UBAP2L: variants seen among roughly 807,000 people sequenced by gnomAD.
UBAP2L encodes the protein ubiquitin-associated protein 2-like.
Under a neutral mutation model 130.6 loss-of-function variants are expected in UBAP2L, and 12 were observed. The observed-to-expected ratio is 0.09, with a 90% confidence interval of 0.06 to 0.15. The LOEUF (loss-of-function observed/expected upper bound fraction) is 0.15, where lower values mean the gene tolerates loss of function less well. Ranked by LOEUF, UBAP2L falls within the 10% of genes least tolerant of loss-of-function variation. The pLI, the probability that UBAP2L is intolerant of heterozygous loss-of-function variation, is 1.00. For synonymous variants in UBAP2L, 503 were observed against 524.7 expected (o/e 0.96, Z 0.57); for missense variants, 965 against 1,332.5 (o/e 0.72, Z 4.29).
upstream of UBAP2L, chr1:154,220,306 T>A: frequency 6.2e-7 from 1 of 1,612,398 alleles, no homozygotes; most frequent in South Asian, 1.1e-5. Flanking sequence ...CTGGGTAAGA[T>A]GCGACAGCAG....
intron 12 of UBAP2L, among the ~76,000 whole-genome samples, chr1:154,249,788 A>G (rs959269735): frequency 6.6e-6 from 1 of 151,148 alleles, no homozygotes; most frequent in Non-Finnish European, 1.5e-5. Context: ...ATTGTTTTCA[A>G]TTAGCTGAGT....
intron 4 of UBAP2L, among the ~76,000 whole-genome samples, chr1:154,232,147 T>G (rs1010149822): frequency 1.3e-5 from 2 of 151,994 alleles, no homozygotes; most frequent in Non-Finnish European, 2.9e-5. Flanking sequence ...GCCAACATGG[T>G]GAAACCCCAT....
intron 20 of UBAP2L, chr1:154,258,501 A>G (rs947426923): frequency 3.3e-5 from 5 of 152,930 alleles, no homozygotes; most frequent in African/African-American, 1.2e-4. Context: ...TCCTGCCCTC[A>G]TAGACAAAGT....
chr1:154,230,393 T>C (rs1042046085), intron 4 of UBAP2L, among the ~76,000 whole-genome samples: 18 of 152,346 alleles, frequency 1.2e-4, no homozygotes, highest in African/African-American at 4.3e-4. Context: ...TGGGAAATAA[T>C]AATGGAAAAC....
chr1:154,241,463 G>A (rs774294560), intron 8 of UBAP2L, 50 bp from the exon 9 acceptor site: 1 of 1,572,230 alleles, frequency 6.4e-7, no homozygotes, highest in African/African-American at 1.4e-5. Flanking sequence ...TACATGCTTT[G>A]TACTGGCATT....
chr1:154,241,406 A>T, intron 8 of UBAP2L, 107 bp from the exon 9 acceptor site: 1 of 1,031,846 alleles, frequency 9.7e-7, no homozygotes, highest in Non-Finnish European at 1.5e-6. Context: ...ACTAAATTTT[A>T]GTCATACTTT....
At chr1:154,248,619 A>G (rs1438486112) in intron 11 of UBAP2L, among the ~76,000 whole-genome samples, 4 of 152,176 alleles carry the variant, frequency 2.6e-5, no homozygotes, top group Non-Finnish European at 5.9e-5. Flanking sequence ...GATCGAGACC[A>G]TCCTGGCTAA....
chr1:154,252,220 C>G (rs992827345), intron 14 of UBAP2L, among the ~76,000 whole-genome samples: 2 of 151,418 alleles, frequency 1.3e-5, no homozygotes, highest in Non-Finnish European at 2.9e-5. Flanking sequence ...AGCGATCTAC[C>G]CACCTCGGCC....
At chr1:154,229,076 C>G (rs2148522535) in intron 4 of UBAP2L, among the ~76,000 whole-genome samples, 1 of 152,130 alleles carries the variant, frequency 6.6e-6, no homozygotes, top group East Asian at 1.9e-4. Context: ...AACAAAGTCA[C>G]ACACTATACT....
chr1:154,256,817 C>G (rs914919342), intron 18 of UBAP2L, among the ~76,000 whole-genome samples: 1 of 152,156 alleles, frequency 6.6e-6, no homozygotes, highest in Non-Finnish European at 1.5e-5. Context: ...TACTGTCTTT[C>G]TGAACAGGAT....
chr1:154,247,615 G>A (rs929426313), intron 11 of UBAP2L, among the ~76,000 whole-genome samples: 1 of 152,180 alleles, frequency 6.6e-6, no homozygotes, highest in Non-Finnish European at 1.5e-5. Flanking sequence ...TGTAGTCTCA[G>A]CTACTCTGGA....
At chr1:154,223,584 G>A (rs1667030775) in intron 1 of UBAP2L, among the ~76,000 whole-genome samples, 1 of 151,708 alleles carries the variant, frequency 6.6e-6, no homozygotes, top group South Asian at 2.1e-4. Flanking sequence ...GGGCTACTGT[G>A]TAGCAAATAA....
chr1:154,239,713 G>A (rs1672866202), intron 8 of UBAP2L, among the ~76,000 whole-genome samples: 1 of 152,226 alleles, frequency 6.6e-6, no homozygotes, highest in South Asian at 2.1e-4. Flanking sequence ...TGCATCAAGA[G>A]CCTAGATTAA....
Position 154,246,206 on chromosome 1 carries a change from T to C in UBAP2L, c.845T>C (p.Ile282Thr), listed in dbSNP as rs2148814300. ...AGATCCCTTCCCTTCCCCATTAGAA[T>C]TGACCTTGCTGTTCTGCTGGGGAAG... is the stretch of plus-strand genomic sequence containing the variant. The part of the protein sequence containing the change: ...ENVTITAGQR[I>T]DLAVLLGKTP... The change falls in exon 11 of 27, where the codon ATT becomes ACT. Residue 282 changes from isoleucine (I) to threonine (T), a missense_variant and splice_region_variant. Coordinates refer to ENST00000428931, the MANE Select transcript of UBAP2L (RefSeq NM_014847.4). The C allele has an allele frequency of 6.2e-7, 1 of 1,606,982 alleles. No homozygotes were observed. Among genetic ancestry groups the C allele is most frequent in the Non-Finnish European group, 8.5e-7 (1 of 1,174,650 alleles).
chr1:154,227,763 G>T (rs1668465061), intron 3 of UBAP2L, among the ~76,000 whole-genome samples: 1 of 152,062 alleles, frequency 6.6e-6, no homozygotes, highest in Non-Finnish European at 1.5e-5. Context: ...GGCCAGGCTG[G>T]TCTCGAACTC....
upstream of UBAP2L, chr1:154,220,241 G>C: frequency 7.2e-7 from 1 of 1,396,498 alleles, no homozygotes; most frequent in Non-Finnish European, 1.0e-6. Flanking sequence ...CCGGATAGGC[G>C]CAGGTGAGTG....
Position 154,254,062 on chromosome 1 carries a change from A to T in UBAP2L, c.1827A>T (p.Ser609=). 6.3e-7 allele frequency: 1 copy of T among 1,589,230 alleles called. No homozygotes were observed. The highest frequency in any genetic ancestry group is 8.5e-7 in the Non-Finnish European group (1 of 1,169,622). Residue 609 remains serine (S), a synonymous_variant, in exon 15 of 27, where the codon TCA becomes TCT. Transcript: ENST00000428931. ...TRRYPSSISS[S]PQKDLTQAKN... ...GGTACCCCAGCTCCATCTCTTCATCACCCCAAAAGGACCTGACTCAGGCAA... is the reference window on the plus strand; with the variant it reads ...GGTACCCCAGCTCCATCTCTTCATCTCCCCAAAAGGACCTGACTCAGGCAA...
chr1:154,226,534 G>A (rs1223762402), intron 2 of UBAP2L, among the ~76,000 whole-genome samples: 1 of 152,128 alleles, frequency 6.6e-6, no homozygotes, highest in Non-Finnish European at 1.5e-5. Context: ...ACTTAGTTGG[G>A]GCAGTAAAAT....
chr1:154,251,709 T>C, intron 14 of UBAP2L, 56 bp downstream of exon 14: 1 of 1,593,956 alleles, frequency 6.3e-7, no homozygotes, highest in Non-Finnish European at 8.6e-7. Flanking sequence ...ACTTTTTTAA[T>C]CTGTGGGAGA....
Sources: allele counts gnomAD v4.1 joint callset (sites outside exome capture counted in the v4.1 genomes callset), GRCh38; gene constraint gnomAD v4.1.1; transcripts MANE v1.5; gene names NCBI Gene and HGNC (gene_info 2026-07-23, HGNC 2026-07-21).